SULT2B1: variants seen among roughly 807,000 people sequenced by gnomAD.
The protein encoded by SULT2B1 is sulfotransferase 2B1.
Under a neutral mutation model 33.2 loss-of-function variants are expected in SULT2B1, and 16 were observed. The ratio of observed to expected loss-of-function variants is 0.48; its 90% CI spans 0.33 to 0.73. The LOEUF is 0.73. Ranked by LOEUF, SULT2B1 falls within the 30% of genes least tolerant of loss-of-function variation. SULT2B1 has a pLI of 0.02. For missense variants in SULT2B1, 500 were observed against 506.0 expected, an observed-to-expected ratio of 0.99 and a Z score of 0.11; for synonymous variants, 186 against 200.5, an observed-to-expected ratio of 0.93 and a Z score of 0.61.
At chr19:48,598,474 C>A (rs1973752066) in intron 6 of SULT2B1, among the ~76,000 whole-genome samples, 1 of 152,064 alleles carries the variant, frequency 6.6e-6, no homozygotes, top group Admixed American at 6.6e-5. Context: ...TGCCTGTAAT[C>A]CCAGTTACTC....
intron 1 of SULT2B1, among the ~76,000 whole-genome samples, chr19:48,563,787 A>G (rs1973209347): frequency 6.6e-6 from 1 of 152,100 alleles, no homozygotes; most frequent in South Asian, 2.1e-4. Context: ...CAACATGGCG[A>G]AACCGCATCT....
chr19:48,556,533 G>A lies in SULT2B1; in HGVS notation c.71+4210G>A, dbSNP rs12976785. 9.0e-3 allele frequency among the ~76,000 whole-genome samples: 1,370 copies of A among 152,128 alleles called. 13 individuals carry two copies. The highest frequency in any genetic ancestry group is 0.037 in the Middle Eastern group (11 of 294). ...CTGGGTCAGGAGAGGGCCAGCTGCC[G>A]TGGAAACTCCCCGTGGTGGGCCATC... On this transcript the variant is annotated intron_variant, in intron 1 of 6. Transcript: ENST00000201586.
chr19:48,580,417 G>T (rs761579100), intron 2 of SULT2B1, among the ~76,000 whole-genome samples: 1 of 151,438 alleles, frequency 6.6e-6, no homozygotes, highest in South Asian at 2.1e-4. Flanking sequence ...GCACCACCAC[G>T]CCCAGCTAAT....
intron 1 of SULT2B1, among the ~76,000 whole-genome samples, chr19:48,574,795 T>C (rs1050952484): frequency 6.6e-6 from 1 of 152,178 alleles, no homozygotes; most frequent in Non-Finnish European, 1.5e-5. Flanking sequence ...AGGCGCTCAG[T>C]GGCTAATCCT....
chr19:48,560,194 C>A (rs186021240), intron 1 of SULT2B1, among the ~76,000 whole-genome samples: 14 of 152,198 alleles, frequency 9.2e-5, no homozygotes, highest in African/African-American at 2.6e-4. Context: ...TCTGAGACCG[C>A]TGCTGAGCCA....
At chr19:48,559,348 TTTTTGTTTTGTTTTGTTTTG>T (rs10577756) in intron 1 of SULT2B1, among the ~76,000 whole-genome samples, 8 of 148,716 alleles carry the variant, frequency 5.4e-5, no homozygotes, top group African/African-American at 2.0e-4. Context: ...TTGGTTTTGT[TTTTTGTTTTGTTTTGTTTTG>T]TTTTGTTTTG....
intron 5 of SULT2B1, among the ~76,000 whole-genome samples, chr19:48,594,835 G>C (rs926125741): frequency 2.6e-5 from 4 of 151,840 alleles, no homozygotes; most frequent in African/African-American, 9.7e-5. Context: ...CCTGGCCAAC[G>C]TGGTGAAATC....
intron 1 of SULT2B1, among the ~76,000 whole-genome samples, chr19:48,571,369 G>A (rs931936431): frequency 6.6e-6 from 1 of 151,324 alleles, no homozygotes; most frequent in African/African-American, 2.4e-5. Flanking sequence ...GCTAATTTTT[G>A]TATTTTTAGT....
At chr19:48,563,300 C>A (rs1973203400) in intron 1 of SULT2B1, among the ~76,000 whole-genome samples, 3 of 152,096 alleles carry the variant, frequency 2.0e-5, no homozygotes, top group Admixed American at 6.6e-5. Context: ...AATTCTGTTC[C>A]TAGTTATTTG....
rs76677229 is a variant in SULT2B1 at position 48,574,969 on chromosome 19, C to T, written c.72-972C>T. Among the ~76,000 whole-genome samples the T allele has an allele frequency of 5.0e-3, 760 of 152,250 alleles. 1 individual carries two copies. Among genetic ancestry groups the T allele is most frequent in the Non-Finnish European group, 8.0e-3 (542 of 67,982 alleles). Reference sequence around the variant, plus strand: ...GTTTATTGAAGGCCTACTGTGTGCGCAAGGCTGTGCTAGGCAGGCCTCCTC... The same window carrying T: ...GTTTATTGAAGGCCTACTGTGTGCGTAAGGCTGTGCTAGGCAGGCCTCCTC... On this transcript the variant is annotated intron_variant, in intron 1 of 6. Coordinates refer to ENST00000201586, the MANE Select transcript of SULT2B1 (RefSeq NM_177973.2).
At chr19:48,597,161 C>T (rs1463815770) in intron 6 of SULT2B1, among the ~76,000 whole-genome samples, 1 of 152,082 alleles carries the variant, frequency 6.6e-6, no homozygotes, top group Non-Finnish European at 1.5e-5. Flanking sequence ...AGGAGTACTG[C>T]CAACGCCAGG....
Position 48,556,931 on chromosome 19 carries a change from C to G in SULT2B1, c.71+4608C>G, listed in dbSNP as rs529734500. The stretch of plus-strand genomic sequence containing the variant: ...TGCCACTGTACTCCAGCCTGGGCAA[C>G]AGAACAAGACTCTGTCTCAAAAAAA... On this transcript the variant is annotated intron_variant, in intron 1 of 6. Transcript: ENST00000201586. 2.4e-4 allele frequency among the ~76,000 whole-genome samples: 36 copies of G among 149,722 alleles called. No individual in the cohort carries two copies. In the South Asian group the frequency reaches 7.6e-3, roughly 32 times the overall value.
chr19:48,572,761 G>C lies in SULT2B1; in HGVS notation c.72-3180G>C, dbSNP rs766708956. On this transcript the variant is annotated intron_variant, in intron 1 of 6. Coordinates refer to ENST00000201586, the MANE Select transcript of SULT2B1 (RefSeq NM_177973.2). Reference sequence around the variant, plus strand: ...CTGAGTCGAGGGCCCACAGGGAGAGGAGAAGGCCTGAGGTGGGCAGGAATG... The same window carrying C: ...CTGAGTCGAGGGCCCACAGGGAGAGCAGAAGGCCTGAGGTGGGCAGGAATG... Among the ~76,000 whole-genome samples the C allele has an allele frequency of 2.7e-4, 41 of 152,010 alleles. 1 individual carries two copies. Among genetic ancestry groups the C allele is most frequent in the Non-Finnish European group, 5.7e-4 (39 of 68,006 alleles).
intron 1 of SULT2B1, among the ~76,000 whole-genome samples, chr19:48,558,836 C>T (rs1030755318): frequency 4.0e-5 from 6 of 151,864 alleles, no homozygotes; most frequent in African/African-American, 1.5e-4. Context: ...AGGCGTGCGC[C>T]ACCACGCCTG....
chr19:48,597,883 C>CTCT (rs777094336), intron 6 of SULT2B1, among the ~76,000 whole-genome samples: 1 of 151,770 alleles, frequency 6.6e-6, no homozygotes, highest in Non-Finnish European at 1.5e-5. Flanking sequence ...GACCACCCGC[C>CTCT]TCTTCCTCCC....
chr19:48,587,312 C>T lies in SULT2B1; in HGVS notation c.298C>T (p.Arg100Trp), dbSNP rs1303127476. The T allele has an allele frequency of 6.2e-7, 1 of 1,613,964 alleles. No individual in the cohort carries two copies. Among genetic ancestry groups the T allele is most frequent in the African/African-American group, 1.3e-5 (1 of 75,006 alleles). Residue 100 changes from arginine to tryptophan, a missense_variant, in exon 3 of 7, where the codon CGG becomes TGG. By Grantham distance (101) the Arg-to-Trp change is moderately radical (BLOSUM62 -3). Transcript: ENST00000201586. ...GATCCGCTCCGTGCCCATCTGGGAG[C>T]GGGCACCCTGGTGTGAGACCATTGT... ...SWIRSVPIWE[R>W]APWCETIVGA...
At chr19:48,578,648 G>A (rs1456021859) in intron 2 of SULT2B1, among the ~76,000 whole-genome samples, 5 of 151,646 alleles carry the variant, frequency 3.3e-5, no homozygotes, top group Non-Finnish European at 7.4e-5. Flanking sequence ...AGGCTGAGGC[G>A]GGTGGATCAT....
intron 1 of SULT2B1, among the ~76,000 whole-genome samples, chr19:48,562,024 A>G (rs1973189296): frequency 6.6e-6 from 1 of 152,138 alleles, no homozygotes; most frequent in African/African-American, 2.4e-5. Context: ...CCAAGGCAGG[A>G]GGATCACTTG....
At position 48,599,336 on chromosome 19, in the gene SULT2B1, C is replaced by A; in HGVS notation, c.1028C>A (p.Pro343His). The change falls in exon 7 of 7, where the codon CCC becomes CAC. Residue 343 changes from proline (P) to histidine (H), a missense_variant. Transcript: ENST00000201586. The surrounding 1 kb of genome is among the most constrained non-coding windows in gnomAD (Gnocchi z 4.1). The stretch of plus-strand genomic sequence containing the variant: ...CCCAACACCAGCCTGGAGCGTGAGC[C>A]CAGACCCAACTCCAGCCCCAGCCCC... Reference protein sequence around the residue: ...LEPNTSLEREPRPNSSPSPSP... With the variant: ...LEPNTSLEREHRPNSSPSPSP... 1 of 1,595,490 alleles carries A rather than the reference C, an allele frequency of 6.3e-7. No individual in the cohort carries two copies. The highest frequency in any genetic ancestry group is 8.5e-7 in the Non-Finnish European group (1 of 1,170,894).
Sources: allele counts gnomAD v4.1 joint callset (sites outside exome capture counted in the v4.1 genomes callset), GRCh38; gene constraint gnomAD v4.1.1; non-coding constraint Gnocchi (gnomAD v3.1); transcripts MANE v1.5; gene names NCBI Gene and HGNC (gene_info 2026-07-23, HGNC 2026-07-21).